The following MIDN variants were observed in gnomAD, a reference collection of about 807,000 sequenced individuals.
MIDN encodes midnolin.
In MIDN, 26 loss-of-function variants were observed where a neutral mutation model predicts 46.1. That is an observed-to-expected ratio of 0.56 (90% CI 0.41 to 0.78). MIDN has a LOEUF of 0.78. Ranked by LOEUF, MIDN falls within the 30% of genes least tolerant of loss-of-function variation. MIDN has a pLI of 0.00. For missense variants in MIDN, 850 were observed against 771.8 expected (o/e 1.10, Z -1.20); for synonymous variants, 432 against 343.3 (o/e 1.26, Z -2.86).
At chr19:1,254,833 C>G (rs1171590006) in intron 6 of MIDN, 69 bp from the exon 7 acceptor site, 1 of 1,516,956 alleles carries the variant, frequency 6.6e-7, no homozygotes, top group Non-Finnish European at 8.9e-7. Context: ...TGGGTGATCT[C>G]TGGTCCCTGG....
chr19:1,253,431 C>CG (rs1599982115), intron 4 of MIDN, among the ~76,000 whole-genome samples: 1 of 150,452 alleles, frequency 6.6e-6, no homozygotes, highest in South Asian at 2.1e-4. Flanking sequence ...ACCCCCCCCC[C>CG]CATCCCGGCC....
intron 8 of MIDN, among the ~76,000 whole-genome samples, chr19:1,256,375 C>T (rs969645043): frequency 2.0e-5 from 3 of 149,948 alleles, no homozygotes; most frequent in African/African-American, 4.9e-5. Context: ...CCCAGCTACT[C>T]GGGAGGCTGA....
chr19:1,253,948 C>T lies in MIDN; in HGVS notation c.385-6C>T, dbSNP rs1441722087. ...GCCCCCGTCTGACCCGCCTCTGTCC[C>T]CACAGCCCCCAGCGGCGCCCGGGCC... On this transcript the variant is annotated splice_polypyrimidine_tract_variant and splice_region_variant and intron_variant, in intron 4 of 8. Coordinates refer to ENST00000682408, the MANE Select transcript of MIDN (RefSeq NM_001388306.1). 1 of 1,389,176 alleles carries T rather than the reference C, an allele frequency of 7.2e-7. No individual in the cohort carries two copies. Among genetic ancestry groups the T allele is most frequent in the Non-Finnish European group, 9.3e-7 (1 of 1,079,082 alleles). The allele number at this position is 1,389,176 out of a possible 1,614,324, so 86.1% of individuals were successfully genotyped here. A position where few individuals can be genotyped will look rare whatever the true frequency, so the allele number is the denominator to read the frequency against.
At chr19:1,251,394 G>A (rs1056289706) in intron 2 of MIDN, 168 bp from the exon 3 acceptor site, 4 of 600,976 alleles carry the variant, frequency 6.7e-6, no homozygotes, top group African/African-American at 5.7e-5. Context: ...GCACCAGACG[G>A]AGACCTCTCT....
intron 4 of MIDN, among the ~76,000 whole-genome samples, chr19:1,252,545 CT>C (rs564825213): frequency 2.1e-3 from 301 of 146,058 alleles, no homozygotes; most frequent in Admixed American, 2.1e-3. Flanking sequence ...TTGCTGCGGA[CT>C]TTTTTTTTTT....
rs1405019786 is a variant in MIDN at position 1,255,662 on chromosome 19, G to A, written c.1226G>A (p.Gly409Asp). 1.3e-6 allele frequency: 2 copies of A among 1,598,278 alleles called. No homozygotes were observed. The highest frequency in any genetic ancestry group is 1.7e-6 in the Non-Finnish European group (2 of 1,176,306). Reference sequence around the variant, plus strand: ...GCCCCCTCAGCCTCCCTGCTGCAGGGCCAGAGCCAGATCCGCATGTGCAAG... The same window carrying A: ...GCCCCCTCAGCCTCCCTGCTGCAGGACCAGAGCCAGATCCGCATGTGCAAG... ...TAAPSASLLQ[G>D]QSQIRMCKPP... Residue 409 changes from glycine (G) to aspartate (D), a missense_variant, in exon 8 of 9, where the codon GGC becomes GAC. Gly to Asp is a moderately conservative substitution (Grantham distance 94). Coordinates refer to ENST00000682408, the MANE Select transcript of MIDN (RefSeq NM_001388306.1).
rs1261524686 is a variant in MIDN at position 1,255,704 on chromosome 19, C to T, written c.1258+10C>T. ...ATGTGCAAGCCCCCGGGTGAGTGGC[C>T]ACCCTCGGGGGTCCTACCTTCCCCG... On this transcript the variant is annotated intron_variant, in intron 8 of 8. Transcript: ENST00000682408. The T allele has an allele frequency of 1.2e-5, 19 of 1,556,212 alleles. No homozygotes were observed.
In MIDN at chr19:1,255,426, G is replaced by A. The variant is rs777722014; in HGVS notation, c.990G>A (p.Thr330=). Residue 330 remains threonine, a synonymous_variant, in exon 8 of 9, where the codon ACG becomes ACA. Transcript: ENST00000682408. The part of the protein sequence containing the change: ...PGVFSGTFSG[T]LHPNCQDSSG... ...CACGGCCACCTCTGCCCGCAGGCAC[G>A]CTACACCCCAACTGCCAAGACAGCA... 8 of 1,588,922 alleles carry A rather than the reference G, an allele frequency of 5.0e-6. No homozygotes were observed. In the South Asian group the frequency reaches 5.7e-5, roughly 11 times the overall value.
intron 1 of MIDN, among the ~76,000 whole-genome samples, chr19:1,248,914 C>A (rs1390121707): frequency 2.0e-5 from 3 of 152,014 alleles, no homozygotes; most frequent in African/African-American, 7.2e-5. Flanking sequence ...CCGTTCCGCC[C>A]TCCGTTGCCC....
rs748315839 is a variant in MIDN at position 1,255,070 on chromosome 19, C to T, written c.985+9C>T. 1.9e-6 allele frequency: 3 copies of T among 1,610,330 alleles called. No individual in the cohort carries two copies. Among genetic ancestry groups the T allele is most frequent in the East Asian group, 2.2e-5 (1 of 44,810 alleles). On this transcript the variant is annotated intron_variant, in intron 7 of 8. Transcript: ENST00000682408. The stretch of plus-strand genomic sequence containing the variant: ...CTCAGGGACCTTCTCTGGTAGGTGT[C>T]ACAGCACATGTGTGAGCTCACGTGT...
Position 1,250,314 on chromosome 19 carries a change from C to T in MIDN, c.18C>T (p.Gly6=). The stretch of plus-strand genomic sequence containing the variant: ...CGCCGGGGATGGAGCCGCAGCCCGG[C>T]GGCGCCCGGAGCTGCCGGCGCGGGG... MEPQP[G]GARSCRRGAP... Residue 6 remains glycine (G), a synonymous_variant, in exon 2 of 9, where the codon GGC becomes GGT. Coordinates refer to ENST00000682408, the MANE Select transcript of MIDN (RefSeq NM_001388306.1). The T allele has an allele frequency of 3.0e-6, 3 of 992,450 alleles. No individual in the cohort carries two copies. The highest frequency in any genetic ancestry group is 4.5e-5 in the South Asian group (1 of 22,078). The allele number at this position is 992,450 out of a possible 1,614,324, so 61.5% of individuals were successfully genotyped here.
chr19:1,251,976 G>C, intron 4 of MIDN, 75 bp downstream of exon 4: 1 of 1,300,538 alleles, frequency 7.7e-7, no homozygotes, highest in South Asian at 1.2e-5. Flanking sequence ...GGGGCCTGGG[G>C]GTTGTCTGTG....
chr19:1,250,577 C>A, intron 2 of MIDN, 48 bp downstream of exon 2: 1 of 1,043,196 alleles, frequency 9.6e-7, no homozygotes, highest in Non-Finnish European at 1.2e-6. Context: ...GCCCCGGCCC[C>A]CGGGCGGGAA....
chr19:1,254,106 C>T (rs753415691), intron 5 of MIDN, 24 bp downstream of exon 5: 47 of 1,541,888 alleles, frequency 3.0e-5, no homozygotes, highest in South Asian at 9.3e-5. Context: ...GGGACTGGGC[C>T]GGGCTGGGCT....
At chr19:1,251,219 A>G (rs2081123544) in intron 2 of MIDN, 1 of 255,464 alleles carries the variant, frequency 3.9e-6, no homozygotes, top group Non-Finnish European at 7.6e-6. Flanking sequence ...GAATTAGGGA[A>G]TTGGGGGCAG....
rs1204819035 is a variant in MIDN at position 1,254,005 on chromosome 19, T to C, written c.436T>C (p.Tyr146His). The change falls in exon 5 of 9, where the codon TAC (tyrosine) becomes CAC (histidine). Residue 146 changes from tyrosine to histidine, a missense_variant. Transcript: ENST00000682408. ...GRAGGGGFRKYRFILFKRPWH... is the reference protein window; with the variant it reads ...GRAGGGGFRKHRFILFKRPWH... ...GGCTGGCGGAGGAGGCTTCCGGAAA[T>C]ACAGATTCATTTTATTTAAGCGTCC... The C allele has an allele frequency of 2.1e-6, 3 of 1,404,040 alleles. No individual in the cohort carries two copies. The allele number at this position is 1,404,040 out of a possible 1,614,324, so 87.0% of individuals were successfully genotyped here.
chr19:1,250,533 G>A lies in MIDN; in HGVS notation c.233+4G>A, dbSNP rs2081112337. On this transcript the variant is annotated splice_donor_region_variant and intron_variant, in intron 2 of 8. Transcript: ENST00000682408. ...TGGCTCTTCTCCACAAAGACACGTA[G>A]GTACCGCGCGCCCCCGGCCGGCCGC... is the stretch of plus-strand genomic sequence containing the variant. 1 of 1,231,370 alleles carries A rather than the reference G, an allele frequency of 8.1e-7. No homozygotes were observed. Among genetic ancestry groups the A allele is most frequent in the Non-Finnish European group, 1.0e-6 (1 of 962,806 alleles). The allele number at this position is 1,231,370 out of a possible 1,614,324, so 76.3% of individuals were successfully genotyped here.
rs1568799741 is a variant in MIDN at position 1,257,523 on chromosome 19, C to T, written c.*251C>T. The T allele has an allele frequency of 2.2e-6, 1 of 446,938 alleles. No individual in the cohort carries two copies. The highest frequency in any genetic ancestry group is 3.9e-6 in the Non-Finnish European group (1 of 254,300). The allele number at this position is 446,938 out of a possible 1,614,324, so 27.7% of individuals were successfully genotyped here. ...CTTCACTCCTGCCCTCCTCTTCCTC[C>T]TCCTCCTCCTCCTCCGTCTGTCTCC... On this transcript the variant is annotated 3_prime_UTR_variant, in exon 9 of 9. Coordinates refer to ENST00000682408, the MANE Select transcript of MIDN (RefSeq NM_001388306.1).
At chr19:1,250,905 T>C (rs1298513102) in intron 2 of MIDN, among the ~76,000 whole-genome samples, 2 of 149,334 alleles carry the variant, frequency 1.3e-5, no homozygotes, top group Non-Finnish European at 3.0e-5. Flanking sequence ...CTCCCCCCAC[T>C]TGCGTCTCTC....
Sources: allele counts gnomAD v4.1 joint callset (sites outside exome capture counted in the v4.1 genomes callset), GRCh38; gene constraint gnomAD v4.1.1; transcripts MANE v1.5; gene names NCBI Gene and HGNC (gene_info 2026-07-23, HGNC 2026-07-21).